Variants in PTPRD observed in about 807,000 individuals in gnomAD.
PTPRD encodes the protein receptor-type tyrosine-protein phosphatase delta.
Under a neutral mutation model 214.5 loss-of-function variants are expected in PTPRD, and 34 were observed. The ratio of observed to expected loss-of-function variants is 0.16; its 90% CI spans 0.12 to 0.21. The LOEUF (loss-of-function observed/expected upper bound fraction) is 0.21. Ranked by LOEUF, PTPRD falls within the 10% of genes least tolerant of loss-of-function variation. PTPRD has a pLI of 1.00. For synonymous variants in PTPRD, 1,128 were observed against 845.7 expected (o/e 1.33, Z -5.79); for missense variants, 2,545 against 2,398.7 (o/e 1.06, Z -1.27).
In PTPRD at chr9:9,226,219, G is replaced by T. The variant is rs190957539; in HGVS notation, c.-202-42856C>A. Among the ~76,000 whole-genome samples, 12 of 151,764 alleles carry T rather than the reference G, an allele frequency of 7.9e-5. No homozygotes were observed. The South Asian group carries it at 8.4e-4, about 11-fold the overall frequency. ...CTTTGGGAATCAAAGATGCCTTCAG[G>T]GAAATCTAGTAGGCAGTGGTCTGTT... On this transcript the variant is annotated intron_variant, in intron 9 of 45. Transcript: ENST00000381196.
rs11542527 is a variant in PTPRD at position 8,316,278 on chromosome 9, C to T, written c.*1596G>A. Reference sequence around the variant, plus strand: ...TTTAATAGAAAGTAACAGATACGAACAGTGAATGGAAATACGAACCAAAAG... The same window carrying T: ...TTTAATAGAAAGTAACAGATACGAATAGTGAATGGAAATACGAACCAAAAG... On this transcript the variant is annotated 3_prime_UTR_variant, in exon 46 of 46. Transcript: ENST00000381196. 4.3e-6 allele frequency: 1 copy of T among 230,476 alleles called. No individual in the cohort carries two copies. Among genetic ancestry groups the T allele is most frequent in the South Asian group, 1.8e-4 (1 of 5,498 alleles). 14.3% of individuals were successfully genotyped at this position (230,476 alleles called of 1,614,324 possible). A position where few individuals can be genotyped will look rare whatever the true frequency, so the allele number is the denominator to read the frequency against.
rs1347452833 is a variant in PTPRD, at chr9:8,341,141, C to T, written c.5075G>A (p.Arg1692His). ...GATGTAATCAGATCCTTCTACTCCA[C>T]GGATAGGCTGCAGGCATACCCTTGT... ...ESTRVCLQPIRGVEGSDYINA... is the reference protein window; with the variant it reads ...ESTRVCLQPIHGVEGSDYINA... The change falls in exon 41 of 46, where the codon CGT becomes CAT. Residue 1692 changes from arginine to histidine, a missense_variant. Transcript: ENST00000381196. 8 of 1,612,686 alleles carry T rather than the reference C, an allele frequency of 5.0e-6. No individual in the cohort carries two copies. Among genetic ancestry groups the T allele is most frequent in the South Asian group, 2.2e-5 (2 of 90,922 alleles).
intron 3 of PTPRD, among the ~76,000 whole-genome samples, chr9:10,079,714 C>A (rs2098201081): frequency 6.6e-6 from 1 of 152,142 alleles, no homozygotes; most frequent in Non-Finnish European, 1.5e-5. Flanking sequence ...TCGTGCTAGT[C>A]ATTCTGCGAG....
chr9:8,427,183 C>T (rs1462307758), intron 35 of PTPRD, among the ~76,000 whole-genome samples: 1 of 152,138 alleles, frequency 6.6e-6, no homozygotes, highest in African/African-American at 2.4e-5. Flanking sequence ...TCAGTAGGTA[C>T]TTTTGAGTTA....
At chr9:10,564,850 A>G (rs1490208905) in intron 2 of PTPRD, among the ~76,000 whole-genome samples, 1 of 152,102 alleles carries the variant, frequency 6.6e-6, no homozygotes, top group East Asian at 1.9e-4. Flanking sequence ...TTTTCATTTT[A>G]TTTTTGGATA....
intron 11 of PTPRD, among the ~76,000 whole-genome samples, chr9:8,929,755 A>ATATATGTGTGTATATATGTG (rs1285445116): frequency 6.9e-5 from 4 of 58,078 alleles, no homozygotes; most frequent in Admixed American, 1.8e-4. Flanking sequence ...GTATATATAT[A>ATATATGTGTGTATATATGTG]TGTATATATA....
intron 8 of PTPRD, among the ~76,000 whole-genome samples, chr9:9,541,583 C>T (rs550365215): frequency 3.3e-5 from 5 of 151,872 alleles, no homozygotes; most frequent in South Asian, 2.1e-4. Flanking sequence ...CCTTTAACAA[C>T]GTTTTAATTA....
At chr9:10,351,663 C>T (rs918931181) in intron 2 of PTPRD, among the ~76,000 whole-genome samples, 4 of 144,380 alleles carry the variant, frequency 2.8e-5, no homozygotes, top group African/African-American at 1.0e-4. Context: ...TTAATTCTAA[C>T]TTTTTTTTTT....
At chr9:9,753,738 G>A (rs758710021) in intron 6 of PTPRD, among the ~76,000 whole-genome samples, 34 of 151,898 alleles carry the variant, frequency 2.2e-4, no homozygotes, top group Non-Finnish European at 4.4e-4. Flanking sequence ...AAAATTACAG[G>A]TGTAATTATT....
At chr9:9,731,198 G>C (rs574236455) in intron 7 of PTPRD, among the ~76,000 whole-genome samples, 2 of 152,050 alleles carry the variant, frequency 1.3e-5, no homozygotes, top group South Asian at 2.1e-4. Flanking sequence ...TTTTACTTGA[G>C]AATTATATCA....
At chr9:9,914,846 C>T (rs1206703247) in intron 5 of PTPRD, among the ~76,000 whole-genome samples, 1 of 152,118 alleles carries the variant, frequency 6.6e-6, no homozygotes, top group African/African-American at 2.4e-5. Context: ...GAAACTGCTT[C>T]TATGTCATGG....
chr9:8,900,064 T>C (rs1033615132), intron 11 of PTPRD, among the ~76,000 whole-genome samples: 1 of 151,800 alleles, frequency 6.6e-6, no homozygotes, highest in South Asian at 2.1e-4. Context: ...AAAACTGCAT[T>C]GTCAAGCTGA....
At chr9:8,429,181 C>T (rs561266736) in intron 35 of PTPRD, among the ~76,000 whole-genome samples, 45 of 152,242 alleles carry the variant, frequency 3.0e-4, no homozygotes, top group African/African-American at 1.1e-3. Flanking sequence ...GGTTTCTGAA[C>T]TCTATCATCA....
chr9:10,018,121 A>G (rs4333667), intron 4 of PTPRD, among the ~76,000 whole-genome samples: 8,419 of 152,180 alleles, frequency 0.055, 318 homozygotes, highest in Middle Eastern at 0.099. Context: ...TCTCATACAC[A>G]AATACACAAA....
intron 36 of PTPRD, among the ~76,000 whole-genome samples, chr9:8,396,765 GA>G (rs1294451430): frequency 6.6e-6 from 1 of 152,120 alleles, no homozygotes; most frequent in Non-Finnish European, 1.5e-5. Flanking sequence ...GTAAGAGAAA[GA>G]TGCCATTTAC....
intron 11 of PTPRD, among the ~76,000 whole-genome samples, chr9:8,759,946 G>T (rs1370519872): frequency 6.6e-6 from 1 of 152,146 alleles, no homozygotes; most frequent in Non-Finnish European, 1.5e-5. Flanking sequence ...ACTGTTTGTT[G>T]AAAGATTCCA....
At chr9:10,305,468 T>C (rs930207928) in intron 3 of PTPRD, among the ~76,000 whole-genome samples, 1 of 147,922 alleles carries the variant, frequency 6.8e-6, no homozygotes, top group African/African-American at 2.5e-5. Flanking sequence ...GAAACTATCA[T>C]CAGAGTGAAC....
chr9:9,302,990 G>A (rs1955975039), intron 9 of PTPRD, among the ~76,000 whole-genome samples: 1 of 151,776 alleles, frequency 6.6e-6, no homozygotes, highest in Admixed American at 6.6e-5. Context: ...TGCTATTCAA[G>A]GGCATGTCCT....
chr9:9,486,988 G>A lies in PTPRD; in HGVS notation c.-237+87744C>T, dbSNP rs937616927. On this transcript the variant is annotated intron_variant, in intron 8 of 45. Transcript: ENST00000381196. Reference sequence around the variant, plus strand: ...GAGATATTTGTCTTTTCTGGTGCCAGTACCATATTATTTTAAATAAATTAT... The same window carrying A: ...GAGATATTTGTCTTTTCTGGTGCCAATACCATATTATTTTAAATAAATTAT... Among the ~76,000 whole-genome samples, 5 of 152,204 alleles carry A rather than the reference G, an allele frequency of 3.3e-5. No individual in the cohort carries two copies. In the East Asian group the frequency reaches 7.7e-4, roughly 24 times the overall value.
Sources: gnomAD v4.1 joint callset for allele counts (sites outside exome capture counted in the v4.1 genomes callset) on GRCh38, gnomAD v4.1.1 for gene constraint, MANE v1.5 for transcripts, NCBI Gene and HGNC (gene_info 2026-07-23, HGNC 2026-07-21) for gene names.